RERE: variants seen among roughly 807,000 people sequenced by gnomAD.
The protein encoded by RERE is arginine-glutamic acid dipeptide repeats.
Under a neutral mutation model 146.1 loss-of-function variants are expected in RERE, and 40 were observed. The observed-to-expected ratio is 0.27, with a 90% CI of 0.21 to 0.36. The LOEUF (loss-of-function observed/expected upper bound fraction) is 0.36. Among genes scored for constraint, RERE ranks in the 10% least tolerant of loss-of-function variants. RERE has a pLI of 1.00. For synonymous variants in RERE, 1,003 were observed against 866.0 expected (o/e 1.16, Z -2.78); for missense variants, 1,933 against 2,138.7 (o/e 0.90, Z 1.90).
rs772769088 is a variant in RERE at position 8,358,386 on chromosome 1, G to A, written c.4149C>T (p.Gly1383=). The change falls in exon 20 of 23, where the codon GGC becomes GGT. Residue 1383 remains glycine (G), a synonymous_variant. Coordinates refer to ENST00000400908, the MANE Select transcript of RERE (RefSeq NM_001042681.2). ...PLERERLALA[G]PQLRPEMSYP... is the part of the protein sequence containing the mutation. Reference sequence around the variant, plus strand: ...AGCTCATCTCGGGCCGCAGCTGGGGGCCCGCCAGGGCCAGTCTCTCCCTCT... The same window carrying A: ...AGCTCATCTCGGGCCGCAGCTGGGGACCCGCCAGGGCCAGTCTCTCCCTCT... 31 of 1,607,622 alleles carry A rather than the reference G, an allele frequency of 1.9e-5. No homozygotes were observed. Among genetic ancestry groups the A allele is most frequent in the African/African-American group, 9.4e-5 (7 of 74,854 alleles).
At chr1:8,621,447 G>A (rs1227722933) in intron 3 of RERE, among the ~76,000 whole-genome samples, 1 of 152,100 alleles carries the variant, frequency 6.6e-6, no homozygotes, top group Non-Finnish European at 1.5e-5. Flanking sequence ...ATTAGCTTTT[G>A]TTATCTTTAA....
intron 2 of RERE, among the ~76,000 whole-genome samples, chr1:8,624,916 TACAG>T (rs1467190710): frequency 4.6e-5 from 7 of 152,224 alleles, no homozygotes; most frequent in African/African-American, 7.2e-5. Flanking sequence ...ACTAATCTCT[TACAG>T]ACAATTTGCC....
chr1:8,426,696 C>T (rs572547285), intron 11 of RERE, among the ~76,000 whole-genome samples: 20 of 152,304 alleles, frequency 1.3e-4, no homozygotes, highest in Admixed American at 9.8e-4. Context: ...ACAGTGTTTA[C>T]ACTCCTTAGC....
intron 12 of RERE, among the ~76,000 whole-genome samples, chr1:8,368,415 A>G (rs1641903697): frequency 6.6e-6 from 1 of 151,034 alleles, no homozygotes. Flanking sequence ...CGGAGCTTGC[A>G]GTGAGCCGAG....
intron 15 of RERE, among the ~76,000 whole-genome samples, chr1:8,363,212 G>A (rs559411040): frequency 7.3e-4 from 111 of 152,306 alleles, no homozygotes; most frequent in African/African-American, 2.5e-3. Flanking sequence ...CCTCATAACC[G>A]TCCATTCTCC....
chr1:8,512,308 C>T (rs1163189420), intron 7 of RERE, among the ~76,000 whole-genome samples: 1 of 152,028 alleles, frequency 6.6e-6, no homozygotes, highest in East Asian at 1.9e-4. Flanking sequence ...GCTGGGATTA[C>T]AGGCGTGAGC....
chr1:8,386,889 G>A (rs944346817), intron 12 of RERE, among the ~76,000 whole-genome samples: 22 of 152,080 alleles, frequency 1.4e-4, no homozygotes, highest in African/African-American at 5.3e-4. Context: ...GACTTGAAAG[G>A]ACTTCACAAA....
rs548473205 is a variant in RERE, at chr1:8,539,109, T to C, written c.830+2105A>G. On this transcript the variant is annotated intron_variant, in intron 7 of 22. Transcript: ENST00000400908. Reference sequence around the variant, plus strand: ...GACAAAAGCTACTTTAGTTAATTAATATAACTTGTGCAACAGGAAAACTAT... The same window carrying C: ...GACAAAAGCTACTTTAGTTAATTAACATAACTTGTGCAACAGGAAAACTAT... Among the ~76,000 whole-genome samples the C allele has an allele frequency of 2.6e-5, 4 of 152,328 alleles. No individual in the cohort carries two copies. The East Asian group carries it at 5.8e-4, about 22-fold the overall frequency.
At chr1:8,693,002 C>A (rs1402381618) in intron 1 of RERE, among the ~76,000 whole-genome samples, 1 of 151,978 alleles carries the variant, frequency 6.6e-6, no homozygotes, top group Admixed American at 6.5e-5. Context: ...AAAATAAAAA[C>A]TGTAACAGAG....
At chr1:8,605,116 CA>C (rs1363322047) in intron 4 of RERE, among the ~76,000 whole-genome samples, 4 of 152,072 alleles carry the variant, frequency 2.6e-5, no homozygotes, top group African/African-American at 7.2e-5. Flanking sequence ...AAAAACAGGA[CA>C]AATCAACTCT....
In RERE at chr1:8,656,399, G is replaced by C. The variant is rs1570572308; in HGVS notation, c.-102C>G. ...CTTCTGAATTTCTCACTCAATTCCAGGGAAAATCCAACCACTCCAACAACC... is the reference window on the plus strand; with the variant it reads ...CTTCTGAATTTCTCACTCAATTCCACGGAAAATCCAACCACTCCAACAACC... On this transcript the variant is annotated 5_prime_UTR_variant, in exon 2 of 23. Transcript: ENST00000400908. 1.2e-5 allele frequency: 18 copies of C among 1,451,858 alleles called. No homozygotes were observed. Among genetic ancestry groups the C allele is most frequent in the Admixed American group, 2.3e-5 (1 of 42,840 alleles). The allele number at this position is 1,451,858 out of a possible 1,614,324, so 89.9% of individuals were successfully genotyped here.
At chr1:8,615,560 G>T (rs1032324824) in intron 3 of RERE, among the ~76,000 whole-genome samples, 16 of 151,854 alleles carry the variant, frequency 1.1e-4, no homozygotes, top group African/African-American at 3.9e-4. Context: ...GGTTTTGAAT[G>T]AACTAAAAAA....
At chr1:8,436,769 A>G (rs1190787689) in intron 11 of RERE, among the ~76,000 whole-genome samples, 1 of 152,242 alleles carries the variant, frequency 6.6e-6, no homozygotes, top group African/African-American at 2.4e-5. Context: ...ACATGTAATC[A>G]ATATAAAAGT....
At chr1:8,361,680 G>A (rs1488208866) in intron 17 of RERE, 83 bp downstream of exon 17, 20 of 1,371,036 alleles carry the variant, frequency 1.5e-5, no homozygotes, top group South Asian at 2.4e-5. Flanking sequence ...GACAGGGCAC[G>A]GCCACCAACT....
chr1:8,616,037 C>T (rs1646848940), intron 3 of RERE, among the ~76,000 whole-genome samples: 1 of 152,164 alleles, frequency 6.6e-6, no homozygotes, highest in Non-Finnish European at 1.5e-5. Context: ...ACACTGCAAA[C>T]TCCAAATTAA....
chr1:8,457,358 T>C (rs1161622281), intron 11 of RERE, among the ~76,000 whole-genome samples: 2 of 152,310 alleles, frequency 1.3e-5, no homozygotes, highest in East Asian at 1.9e-4. Context: ...GCCTCATAAA[T>C]GTGGAAAACA....
At chr1:8,534,702 T>G (rs888667083) in intron 7 of RERE, among the ~76,000 whole-genome samples, 3 of 101,140 alleles carry the variant, frequency 3.0e-5, no homozygotes. Flanking sequence ...GAAAGTTTGA[T>G]GAAGATGAGA....
At chr1:8,715,652 C>T (rs535871580) in intron 1 of RERE, among the ~76,000 whole-genome samples, 6 of 152,156 alleles carry the variant, frequency 3.9e-5, no homozygotes, top group Admixed American at 3.9e-4. Flanking sequence ...ATCTGTAATC[C>T]TAGCACTTTG....
At position 8,693,039 on chromosome 1, in the gene RERE, GA is replaced by G. The variant is rs569012593; in HGVS notation, c.-144-36599del. ...TGGCATCGGAAATGAGCAGTTATATGAAAAAAAAAATTTAATAACTAAGAAG... is the reference window on the plus strand; with the variant it reads ...TGGCATCGGAAATGAGCAGTTATATGAAAAAAAAATTTAATAACTAAGAAG... On this transcript the variant is annotated intron_variant, in intron 1 of 22. Coordinates refer to ENST00000400908, the MANE Select transcript of RERE (RefSeq NM_001042681.2). Among the ~76,000 whole-genome samples the G allele has an allele frequency of 3.7e-3, 560 of 150,598 alleles. 4 individuals are homozygous for G. The highest frequency in any genetic ancestry group is 0.012 in the African/African-American group (478 of 41,174).
Sources: allele counts gnomAD v4.1 joint callset (sites outside exome capture counted in the v4.1 genomes callset), GRCh38; gene constraint gnomAD v4.1.1; transcripts MANE v1.5; gene names NCBI Gene and HGNC (gene_info 2026-07-23, HGNC 2026-07-21).